Variants in COL6A6 observed in about 807,000 individuals in gnomAD.
COL6A6 encodes collagen type VI alpha 6 chain.
A neutral mutation model predicts 208.6 loss-of-function variants in COL6A6; 183 were observed. That is an observed-to-expected ratio of 0.88 (90% CI 0.78 to 0.99). The LOEUF is 0.99. Ranked by LOEUF, COL6A6 falls within the 50% of genes least tolerant of loss-of-function variation. The probability of loss-of-function intolerance (pLI) is 0.00; values close to 1 mark genes in which losing one functional copy is unlikely to be tolerated. For synonymous variants in COL6A6, 973 were observed against 1,011.8 expected (o/e 0.96, Z 0.73); for missense variants, 2,816 against 2,815.2 (o/e 1.00, Z -0.01).
At chr3:130,640,511 A>G (rs958540304) in intron 28 of COL6A6, among the ~76,000 whole-genome samples, 6 of 152,322 alleles carry the variant, frequency 3.9e-5, no homozygotes, top group African/African-American at 1.4e-4. Flanking sequence ...TCAACCAAGC[A>G]CACTGTCAAT....
Position 130,568,208 on chromosome 3 carries a change from A to G in COL6A6, c.2005A>G (p.Ile669Val). Residue 669 changes from isoleucine to valine, a missense_variant, in exon 6 of 37, where the codon ATC becomes GTC. Ile to Val is a conservative substitution (Grantham distance 29). Coordinates refer to ENST00000358511, the MANE Select transcript of COL6A6 (RefSeq NM_001102608.3). ...VQIGVVQFSD[I>V]NKEEFQLNRF... ...AATTGGTGTAGTCCAGTTCAGCGAC[A>G]TCAATAAGGAAGAGTTTCAGCTCAA... The G allele has an allele frequency of 2.5e-6, 4 of 1,614,008 alleles. No homozygotes were observed. Among genetic ancestry groups the G allele is most frequent in the South Asian group, 2.2e-5 (2 of 91,080 alleles).
intron 1 of COL6A6, among the ~76,000 whole-genome samples, chr3:130,547,093 G>A (rs535174739): frequency 1.6e-3 from 239 of 152,372 alleles, no homozygotes; most frequent in Non-Finnish European, 2.9e-3. Flanking sequence ...CGGTTGATGC[G>A]ACCTGGCGCC....
chr3:130,608,588 G>A (rs1414938275), intron 21 of COL6A6, among the ~76,000 whole-genome samples: 2 of 151,840 alleles, frequency 1.3e-5, no homozygotes, highest in African/African-American at 4.8e-5. Flanking sequence ...TGTTTTTAAG[G>A]CCACATAGCT....
At chr3:130,589,274 C>G in intron 12 of COL6A6, 92 bp downstream of exon 12, 1 of 754,790 alleles carries the variant, frequency 1.3e-6, no homozygotes, top group Non-Finnish European at 2.2e-6. Context: ...TTTTTAACTT[C>G]TAAATAGAGC....
chr3:130,518,731 C>G (rs1329221243), intron 1 of COL6A6, among the ~76,000 whole-genome samples: 1 of 152,178 alleles, frequency 6.6e-6, no homozygotes, highest in East Asian at 1.9e-4. Flanking sequence ...GTCTCGAACT[C>G]CTGACCTTAG....
chr3:130,573,239 T>A (rs1399156570), intron 7 of COL6A6, among the ~76,000 whole-genome samples: 1 of 152,216 alleles, frequency 6.6e-6, no homozygotes, highest in Non-Finnish European at 1.5e-5. Flanking sequence ...GCCTCTTTGT[T>A]TGAATCCCTA....
intron 23 of COL6A6, among the ~76,000 whole-genome samples, chr3:130,617,262 G>A (rs376950479): frequency 7.0e-4 from 107 of 152,212 alleles, no homozygotes; most frequent in African/African-American, 2.2e-3. Flanking sequence ...CTAGCCTCAC[G>A]TATACCCAAT....
At chr3:130,532,846 G>A (rs1333628392) in intron 1 of COL6A6, among the ~76,000 whole-genome samples, 1 of 152,122 alleles carries the variant, frequency 6.6e-6, no homozygotes, top group Non-Finnish European at 1.5e-5. Context: ...TCTGGCACCT[G>A]GGCTGGGAGG....
chr3:130,626,129 TA>T (rs1240421844), intron 24 of COL6A6, among the ~76,000 whole-genome samples: 3 of 152,234 alleles, frequency 2.0e-5, no homozygotes, highest in Admixed American at 1.3e-4. Flanking sequence ...CTCAGAATAT[TA>T]AAACTAGATT....
chr3:130,593,200 G>C lies in COL6A6; in HGVS notation c.4418G>C (p.Gly1473Ala). The change falls in exon 17 of 37, where the codon GGT becomes GCT. Residue 1473 changes from glycine to alanine, a missense_variant and splice_region_variant. Gly to Ala is a moderately conservative substitution (Grantham distance 60, BLOSUM62 0). Transcript: ENST00000358511. The stretch of plus-strand genomic sequence containing the variant: ...TAGCTTTCCCTTCTTGTTTTTTAGG[G>C]TGATAATGGTCTTCCTGGAAGAAAA... Reference protein sequence around the residue: ...NGIDGLNGEQGDNGLPGRKGE... With the variant: ...NGIDGLNGEQADNGLPGRKGE... 1 of 1,613,170 alleles carries C rather than the reference G, an allele frequency of 6.2e-7. No homozygotes were observed. Among genetic ancestry groups the C allele is most frequent in the Non-Finnish European group, 8.5e-7 (1 of 1,179,220 alleles).
At chr3:130,670,868 T>A (rs1333008888) in intron 36 of COL6A6, among the ~76,000 whole-genome samples, 1 of 152,184 alleles carries the variant, frequency 6.6e-6, no homozygotes, top group African/African-American at 2.4e-5. Context: ...GATTTTGGTG[T>A]GATTTTTTGT....
At position 130,648,989 on chromosome 3, in the gene COL6A6, T is replaced by G; in HGVS notation, c.5240-80T>G. On this transcript the variant is annotated intron_variant, in intron 32 of 36. Transcript: ENST00000358511. Reference sequence around the variant, plus strand: ...TCTTTAAGTATTTGAATGCTTAACATTTAAAATTACTTTGCCTTCTATGTA... The same window carrying G: ...TCTTTAAGTATTTGAATGCTTAACAGTTAAAATTACTTTGCCTTCTATGTA... 15 of 1,210,684 alleles carry G rather than the reference T, an allele frequency of 1.2e-5. 1 individual carries two copies. The highest frequency in any genetic ancestry group is 1.7e-5 in the Non-Finnish European group (15 of 897,698). The allele number at this position is 1,210,684 out of a possible 1,614,324, so 75.0% of individuals were successfully genotyped here.
intron 29 of COL6A6, 98 bp downstream of exon 29, chr3:130,641,812 GTC>G: frequency 1.7e-6 from 1 of 604,062 alleles, no homozygotes; most frequent in Non-Finnish European, 2.8e-6. Context: ...CATGCCTTCT[GTC>G]TCTGCTTCTT....
chr3:130,598,348 T>C lies in COL6A6; in HGVS notation c.4534-17T>C, dbSNP rs1292281089. Reference sequence around the variant, plus strand: ...TGTCCAAATATATTAATTTTTCTCTTTATTTTCTATTTTTAGGGAGCTCCT... The same window carrying C: ...TGTCCAAATATATTAATTTTTCTCTCTATTTTCTATTTTTAGGGAGCTCCT... On this transcript the variant is annotated splice_polypyrimidine_tract_variant and intron_variant, in intron 18 of 36. Transcript: ENST00000358511. 16 of 1,508,926 alleles carry C rather than the reference T, an allele frequency of 1.1e-5. No homozygotes were observed. The highest frequency in any genetic ancestry group is 1.4e-5 in the Non-Finnish European group (16 of 1,109,974). 93.5% of individuals were successfully genotyped at this position (1,508,926 alleles called of 1,614,324 possible). A position where few individuals can be genotyped will look rare whatever the true frequency, so the allele number is the denominator to read the frequency against.
chr3:130,546,719 C>A (rs994209823), intron 1 of COL6A6, among the ~76,000 whole-genome samples: 21 of 152,252 alleles, frequency 1.4e-4, no homozygotes, highest in African/African-American at 7.2e-5. Context: ...AGACACAGAG[C>A]ACCGACTGGT....
intron 35 of COL6A6, among the ~76,000 whole-genome samples, chr3:130,662,805 G>A (rs147980239): frequency 7.6e-4 from 115 of 152,252 alleles, no homozygotes; most frequent in African/African-American, 2.4e-3. Flanking sequence ...CTGTCAGAAT[G>A]AAAAATAGAG....
Position 130,567,093 on chromosome 3 carries a change from C to T in COL6A6, c.1674C>T (p.Asn558=). 1 of 1,613,956 alleles carries T rather than the reference C, an allele frequency of 6.2e-7. No homozygotes were observed. The highest frequency in any genetic ancestry group is 8.5e-7 in the Non-Finnish European group (1 of 1,179,874). ...AGGATAGCATCTTGGAGCCTGCAAA[C>T]AGACTGAGAGAAGAGCACATCCGAG... ...MSKDSILEPA[N]RLREEHIRVY... Residue 558 remains asparagine (N), a synonymous_variant, in exon 5 of 37, where the codon AAC becomes AAT. Coordinates refer to ENST00000358511, the MANE Select transcript of COL6A6 (RefSeq NM_001102608.3).
intron 36 of COL6A6, among the ~76,000 whole-genome samples, chr3:130,666,249 C>G (rs2066071983): frequency 6.6e-6 from 1 of 152,118 alleles, no homozygotes. Context: ...ATTTGGGGAA[C>G]AATAGGGAAA....
chr3:130,622,624 G>A (rs547235783), intron 24 of COL6A6, among the ~76,000 whole-genome samples: 5 of 152,122 alleles, frequency 3.3e-5, no homozygotes, highest in East Asian at 1.9e-4. Context: ...TTGGGAGGCC[G>A]AGGTGGGCAG....
Sources: allele counts gnomAD v4.1 joint callset (sites outside exome capture counted in the v4.1 genomes callset), GRCh38; gene constraint gnomAD v4.1.1; transcripts MANE v1.5; gene names NCBI Gene and HGNC (gene_info 2026-07-23, HGNC 2026-07-21).